S100PBP: variants seen among roughly 807,000 people sequenced by gnomAD.
S100PBP encodes the protein S100P binding protein, also known as S100P-binding protein.
A neutral mutation model predicts 39.9 loss-of-function variants in S100PBP; 15 were observed. The observed-to-expected ratio is 0.38, with a 90% confidence interval of 0.25 to 0.58. The LOEUF is 0.58. Among genes scored for constraint, S100PBP ranks in the 20% least tolerant of loss-of-function variants. The pLI is 0.70. For missense variants in S100PBP, 504 were observed against 487.3 expected (o/e 1.03, Z -0.32); for synonymous variants, 178 against 180.3 (o/e 0.99, Z 0.10).
At chr1:32,843,211 A>T (rs924080731) in intron 5 of S100PBP, 1 of 152,202 alleles carries the variant, frequency 6.6e-6, no homozygotes, top group African/African-American at 2.4e-5. Flanking sequence ...TTGTCAGCAA[A>T]TAAAGAAATT....
chr1:32,829,705 T>A (rs562467566), intron 4 of S100PBP, among the ~76,000 whole-genome samples: 1 of 152,324 alleles, frequency 6.6e-6, no homozygotes, highest in Admixed American at 6.5e-5. Context: ...GCAGTCCTCC[T>A]GCCTGATACT....
intron 1 of S100PBP, 44 bp from the exon 2 acceptor site, chr1:32,825,269 T>C (rs1639273925): frequency 6.6e-6 from 1 of 152,116 alleles, no homozygotes; most frequent in African/African-American, 2.4e-5. Flanking sequence ...ATTAGCAGAG[T>C]TGAAAGTGAT....
chr1:32,844,965 A>T (rs984519574), intron 5 of S100PBP, among the ~76,000 whole-genome samples: 9 of 151,244 alleles, frequency 6.0e-5, no homozygotes, highest in African/African-American at 1.9e-4. Context: ...AGTAGCTGGG[A>T]CTACAGGCAC....
At position 32,826,428 on chromosome 1, in the gene S100PBP, C is replaced by G; in HGVS notation, c.329C>G (p.Thr110Ser). 3 of 1,614,116 alleles carry G rather than the reference C, an allele frequency of 1.9e-6. No homozygotes were observed. Among genetic ancestry groups the G allele is most frequent in the Non-Finnish European group, 2.5e-6 (3 of 1,180,022 alleles). Residue 110 changes from threonine (T) to serine (S), a missense_variant, in exon 3 of 7, where the codon ACT (threonine) becomes AGT (serine). Coordinates refer to ENST00000373475, the MANE Select transcript of S100PBP (RefSeq NM_022753.4). ...TACAGCCTGGGACCAGTAGCTGAGACTCCTGACCTCTTCAAACTACCTCAG... is the reference window on the plus strand; with the variant it reads ...TACAGCCTGGGACCAGTAGCTGAGAGTCCTGACCTCTTCAAACTACCTCAG... ...SSYSLGPVAE[T>S]PDLFKLPQLS...
chr1:32,831,189 TAA>T (rs1470014826), intron 5 of S100PBP, among the ~76,000 whole-genome samples: 1 of 152,088 alleles, frequency 6.6e-6, no homozygotes, highest in Admixed American at 6.6e-5. Context: ...AATGGAAATG[TAA>T]AGAGGAGTAA....
intron 5 of S100PBP, chr1:32,842,747 A>G (rs1431720998): frequency 6.6e-6 from 1 of 151,738 alleles, no homozygotes; most frequent in African/African-American, 2.4e-5. Context: ...AATGCCTGCC[A>G]CTACACTCAG....
At chr1:32,844,294 G>A (rs1417382523) in intron 5 of S100PBP, among the ~76,000 whole-genome samples, 1 of 152,130 alleles carries the variant, frequency 6.6e-6, no homozygotes. Context: ...TCAAGTATCT[G>A]CCTGCCTCTG....
intron 5 of S100PBP, among the ~76,000 whole-genome samples, chr1:32,841,187 G>C (rs1640079499): frequency 6.6e-6 from 1 of 151,244 alleles, no homozygotes; most frequent in Admixed American, 6.6e-5. Flanking sequence ...AAAAAAATTG[G>C]ATTATTTTCT....
intron 5 of S100PBP, among the ~76,000 whole-genome samples, chr1:32,851,583 T>C (rs1640610068): frequency 6.6e-6 from 1 of 151,896 alleles, no homozygotes; most frequent in African/African-American, 2.4e-5. Context: ...GGAGAATCAC[T>C]TGAACCCGGG....
intron 5 of S100PBP, among the ~76,000 whole-genome samples, chr1:32,839,109 A>G (rs2148667815): frequency 6.6e-6 from 1 of 152,216 alleles, no homozygotes; most frequent in East Asian, 1.9e-4. Flanking sequence ...CCATAGCTCT[A>G]TACCCATTAA....
At chr1:32,851,377 G>T (rs116170590) in intron 5 of S100PBP, among the ~76,000 whole-genome samples, 3,140 of 152,208 alleles carry the variant, frequency 0.021, 108 homozygotes, top group African/African-American at 0.071. Context: ...TTCAAAGTGT[G>T]CTTCTCAGCT....
rs1244740187 is a variant in S100PBP at position 32,857,028 on chromosome 1, A to C, written c.*990A>C. 6.6e-6 allele frequency: 1 copy of C among 151,864 alleles called. No individual in the cohort carries two copies. The highest frequency in any genetic ancestry group is 1.9e-4 in the East Asian group (1 of 5,190). The allele number at this position is 151,864 out of a possible 1,614,324, so 9.4% of individuals were successfully genotyped here. On this transcript the variant is annotated 3_prime_UTR_variant, in exon 7 of 7. Transcript: ENST00000373475. ...GTTGATATTTAGTTTCATTTGCTGA[A>C]CCCCAAATTTGAGTGTTAGTTAGGG...
chr1:32,817,195 T>A, upstream of S100PBP: 5 of 1,614,184 alleles, frequency 3.1e-6, no homozygotes, highest in Non-Finnish European at 4.2e-6. Context: ...GACCTGCAGG[T>A]TCCGGGTGAT....
chr1:32,854,042 T>C (rs1330697224), intron 6 of S100PBP, among the ~76,000 whole-genome samples: 1 of 152,202 alleles, frequency 6.6e-6, no homozygotes, highest in Admixed American at 6.5e-5. Flanking sequence ...GTATTACAGT[T>C]TTCTGGATTC....
intron 2 of S100PBP, among the ~76,000 whole-genome samples, chr1:32,825,781 CA>C (rs1264097974): frequency 2.0e-5 from 3 of 152,158 alleles, no homozygotes; most frequent in Non-Finnish European, 2.9e-5. Flanking sequence ...ATGGTGTAGT[CA>C]AATTACTCTT....
chr1:32,846,558 ATACT>A (rs1173159351), intron 5 of S100PBP, among the ~76,000 whole-genome samples: 2 of 151,632 alleles, frequency 1.3e-5, no homozygotes, highest in African/African-American at 4.8e-5. Context: ...TTTTATCTCC[ATACT>A]TACTGCCTAT....
intron 5 of S100PBP, among the ~76,000 whole-genome samples, chr1:32,849,524 C>T (rs1007939121): frequency 2.0e-5 from 3 of 152,188 alleles, no homozygotes; most frequent in South Asian, 2.1e-4. Context: ...TAGCAAAGTA[C>T]GTAGCACGTA....
chr1:32,843,084 A>G (rs1165920453), intron 5 of S100PBP: 1 of 152,190 alleles, frequency 6.6e-6, no homozygotes, highest in Non-Finnish European at 1.5e-5. Flanking sequence ...GCTATTATAT[A>G]GAAATGTAAT....
intron 5 of S100PBP, among the ~76,000 whole-genome samples, chr1:32,848,847 T>C (rs1478407087): frequency 1.3e-5 from 2 of 152,216 alleles, no homozygotes; most frequent in African/African-American, 4.8e-5. Context: ...TTGGGGGTTT[T>C]TCCCTCCTTT....
Sources: gnomAD v4.1 joint callset for allele counts (sites outside exome capture counted in the v4.1 genomes callset) on GRCh38, gnomAD v4.1.1 for gene constraint, MANE v1.5 for transcripts, NCBI Gene and HGNC (gene_info 2026-07-23, HGNC 2026-07-21) for gene names.